MYT1: variants seen among roughly 807,000 people sequenced by gnomAD.
MYT1 encodes the protein myelin transcription factor 1, also known as myelin transcription factor I.
MYT1 carries 23 observed loss-of-function variants against 123.0 expected under a neutral mutation model. The observed-to-expected ratio is 0.19, with a 90% CI of 0.13 to 0.26. The LOEUF (loss-of-function observed/expected upper bound fraction) is 0.26, where lower values mean the gene tolerates loss of function less well. Among genes scored for constraint, MYT1 ranks in the 10% least tolerant of loss-of-function variants. MYT1 has a pLI of 1.00. For synonymous variants in MYT1, 518 were observed against 575.3 expected, an observed-to-expected ratio of 0.90 and a Z score of 1.43; for missense variants, 1,125 against 1,472.5, an observed-to-expected ratio of 0.76 and a Z score of 3.86.
rs1983119324 is a variant in MYT1 at position 64,196,350 on chromosome 20, A to G, written c.1-2512A>G. ...GGGCCGCCCCCAGCACCCGCTCTCC[A>G]TCTACCACATCGTGGTGCCGATCTT... On this transcript the variant is annotated intron_variant, in intron 2 of 22. Transcript: ENST00000328439. The surrounding 1 kb of genome is among the most constrained non-coding windows in gnomAD (Gnocchi z 4.3). Among the ~76,000 whole-genome samples the G allele has an allele frequency of 6.6e-6, 1 of 152,244 alleles. No homozygotes were observed. Among genetic ancestry groups the G allele is most frequent in the South Asian group, 2.1e-4 (1 of 4,836 alleles).
At chr20:64,184,050 C>T (rs1344113371) in intron 1 of MYT1, among the ~76,000 whole-genome samples, 1 of 152,160 alleles carries the variant, frequency 6.6e-6, no homozygotes, top group African/African-American at 2.4e-5. Context: ...GAACCCCTGA[C>T]CTCAAGTGAT....
rs1168774552 is a variant in MYT1, at chr20:64,218,472, T to C, written c.1847-439T>C. Among the ~76,000 whole-genome samples the C allele has an allele frequency of 6.6e-6, 1 of 152,216 alleles. No individual in the cohort carries two copies. The highest frequency in any genetic ancestry group is 2.4e-5 in the African/African-American group (1 of 41,446). On this transcript the variant is annotated intron_variant, in intron 11 of 22. Transcript: ENST00000328439. The surrounding 1 kb of genome is among the most constrained non-coding windows in gnomAD (Gnocchi z 4.0). Reference sequence around the variant, plus strand: ...GATCATGGGACAAAATTTTCCTATTTGGGCGATATGGCAAACACTCATCCT... The same window carrying C: ...GATCATGGGACAAAATTTTCCTATTCGGGCGATATGGCAAACACTCATCCT...
In MYT1 at chr20:64,223,084, GTCTGACAC is replaced by G; in HGVS notation, c.2397-23_2397-16del. The G allele has an allele frequency of 6.2e-7, 1 of 1,614,058 alleles. No individual in the cohort carries two copies. Among genetic ancestry groups the G allele is most frequent in the Non-Finnish European group, 8.5e-7 (1 of 1,179,958 alleles). Reference sequence around the variant, plus strand: ...GGGGGCAGGTACACACCACTCTCCGGTCTGACACTCTTTTTCCTTTGTCCAGCTGTCCC... The same window carrying G: ...GGGGGCAGGTACACACCACTCTCCGGTCTTTTTCCTTTGTCCAGCTGTCCC... On this transcript the variant is annotated intron_variant, in intron 14 of 22. Transcript: ENST00000328439.
intron 16 of MYT1, 78 bp from the exon 17 acceptor site, chr20:64,227,337 C>T: frequency 7.1e-7 from 1 of 1,406,144 alleles, no homozygotes; most frequent in Non-Finnish European, 9.9e-7. Context: ...AGAAGGCTTT[C>T]CTCTGGGGGT....
chr20:64,233,193 CCCT>C (rs1984379418), intron 19 of MYT1, among the ~76,000 whole-genome samples: 1 of 119,260 alleles, frequency 8.4e-6, no homozygotes, highest in Non-Finnish European at 1.8e-5. Flanking sequence ...CCCTTTCCTC[CCCT>C]CTCCCTTCCC....
rs191599 is a variant in MYT1, at chr20:64,218,168, T to A, written c.1847-743T>A. The stretch of plus-strand genomic sequence containing the variant: ...AGGACTTCCTGCCTCCAGGCACACA[T>A]GCCTACTTGGATGAGGGAATGCAAT... On this transcript the variant is annotated intron_variant, in intron 11 of 22. Transcript: ENST00000328439. This position sits in a 1 kb window ranked among gnomAD's most constrained non-coding sequence, Gnocchi z 4.0. 6.6e-6 allele frequency among the ~76,000 whole-genome samples: 1 copy of A among 152,162 alleles called. No homozygotes were observed. Among genetic ancestry groups the A allele is most frequent in the African/African-American group, 2.4e-5 (1 of 41,420 alleles).
At position 64,241,953 on chromosome 20, in the gene MYT1, C is replaced by T. The variant is rs1455526565; in HGVS notation, c.*1505C>T. On this transcript the variant is annotated 3_prime_UTR_variant, in exon 23 of 23. Coordinates refer to ENST00000328439, the MANE Select transcript of MYT1 (RefSeq NM_004535.3). The surrounding 1 kb of genome is among the most constrained non-coding windows in gnomAD (Gnocchi z 4.2). ...TTTTGGGTTCCTTTTGTTTCAGGCACGGATAACAGCAAATGGAATTCTGTA... is the reference window on the plus strand; with the variant it reads ...TTTTGGGTTCCTTTTGTTTCAGGCATGGATAACAGCAAATGGAATTCTGTA... 1.3e-5 allele frequency: 2 copies of T among 152,256 alleles called. No homozygotes were observed. The highest frequency in any genetic ancestry group is 2.1e-4 in the South Asian group (1 of 4,818). 9.4% of individuals were successfully genotyped at this position (152,256 alleles called of 1,614,324 possible). A position where few individuals can be genotyped will look rare whatever the true frequency, so the allele number is the denominator to read the frequency against.
chr20:64,234,403 G>A (rs965442490), intron 19 of MYT1, among the ~76,000 whole-genome samples: 6 of 152,194 alleles, frequency 3.9e-5, no homozygotes, highest in African/African-American at 9.6e-5. Flanking sequence ...CTGGCCCCCC[G>A]AGTATCAGGC....
chr20:64,183,521 A>G (rs1251802620), intron 1 of MYT1, among the ~76,000 whole-genome samples: 1 of 152,192 alleles, frequency 6.6e-6, no homozygotes, highest in Non-Finnish European at 1.5e-5. Flanking sequence ...AACACTTGTT[A>G]CTATCTGTTT....
In MYT1 at chr20:64,205,718, G is replaced by C. The variant is rs143116197; in HGVS notation, c.315G>C (p.Ser105=). The C allele has an allele frequency of 1.2e-5, 19 of 1,614,050 alleles. No homozygotes were observed. The highest frequency in any genetic ancestry group is 1.5e-5 in the Non-Finnish European group (18 of 1,180,016). The change falls in exon 6 of 23, where the codon TCG becomes TCC. Residue 105 remains serine (S), a synonymous_variant. Coordinates refer to ENST00000328439, the MANE Select transcript of MYT1 (RefSeq NM_004535.3). ...EDTEVKDASV[S]DESEGTLEGA... is the part of the protein sequence containing the mutation. The stretch of plus-strand genomic sequence containing the variant: ...CTGAGGTGAAGGACGCCTCTGTTTC[G>C]GATGAATCGGAAGGAACTCTGGAGG...
At chr20:64,170,225 G>A (rs1027205421) in intron 1 of MYT1, among the ~76,000 whole-genome samples, 2 of 152,088 alleles carry the variant, frequency 1.3e-5, no homozygotes, top group Non-Finnish European at 2.9e-5. Flanking sequence ...ATGCCACCCC[G>A]GGCCCTCCTT....
intron 1 of MYT1, among the ~76,000 whole-genome samples, chr20:64,183,745 G>A (rs534949147): frequency 3.0e-4 from 46 of 152,216 alleles, no homozygotes; most frequent in African/African-American, 1.1e-3. Flanking sequence ...CCAAATACAA[G>A]CTCTTTATCA....
At chr20:64,222,964 G>A (rs1168360814) in intron 14 of MYT1, 147 bp from the exon 15 acceptor site, 2 of 770,300 alleles carry the variant, frequency 2.6e-6, no homozygotes, top group Non-Finnish European at 2.2e-6. Context: ...GGCACCGGCT[G>A]TCCTCCAAGG....
chr20:64,176,946 C>T (rs539958803), intron 1 of MYT1, among the ~76,000 whole-genome samples: 13 of 152,250 alleles, frequency 8.5e-5, no homozygotes, highest in East Asian at 1.9e-4. Flanking sequence ...GTTTTTACAG[C>T]GTTGGTAAGG....
chr20:64,197,485 G>A (rs905013969), intron 2 of MYT1, among the ~76,000 whole-genome samples: 5 of 152,164 alleles, frequency 3.3e-5, no homozygotes, highest in Admixed American at 1.3e-4. Context: ...ACTACCTCAC[G>A]CATAGAGCCC....
chr20:64,218,803 C>A lies in MYT1; in HGVS notation c.1847-108C>A. The A allele has an allele frequency of 5.0e-6, 7 of 1,408,054 alleles. No homozygotes were observed. The highest frequency in any genetic ancestry group is 2.9e-6 in the Non-Finnish European group (3 of 1,021,228). The allele number at this position is 1,408,054 out of a possible 1,614,324, so 87.2% of individuals were successfully genotyped here. A position where few individuals can be genotyped will look rare whatever the true frequency, so the allele number is the denominator to read the frequency against. ...TGCTGCCTCTTTTCAAGTTGTATAT[C>A]AGCCTGGTGTTGTTCCCTTTTTGCA... On this transcript the variant is annotated intron_variant, in intron 11 of 22. Coordinates refer to ENST00000328439, the MANE Select transcript of MYT1 (RefSeq NM_004535.3). This position sits in a 1 kb window ranked among gnomAD's most constrained non-coding sequence, Gnocchi z 4.0.
Position 64,190,119 on chromosome 20 carries a change from A to G in MYT1, c.-42A>G, listed in dbSNP as rs1165385210. On this transcript the variant is annotated 5_prime_UTR_variant, in exon 2 of 23. Coordinates refer to ENST00000328439, the MANE Select transcript of MYT1 (RefSeq NM_004535.3). The surrounding 1 kb of genome is among the most constrained non-coding windows in gnomAD (Gnocchi z 4.1). ...GAGGTGGACACACGGAGGCAAGGCC[A>G]GCAGCTGCAGGACCTCAAGACACCT... The G allele has an allele frequency of 1.3e-5, 2 of 152,740 alleles. No individual in the cohort carries two copies. The highest frequency in any genetic ancestry group is 4.8e-5 in the African/African-American group (2 of 41,464). The allele number at this position is 152,740 out of a possible 1,614,324, so 9.5% of individuals were successfully genotyped here.
chr20:64,236,497 G>C lies in MYT1; in HGVS notation c.2898-58G>C. 7.0e-6 allele frequency: 10 copies of C among 1,426,006 alleles called. No individual in the cohort carries two copies. In the South Asian group the frequency reaches 1.2e-4, roughly 17 times the overall value. 88.3% of individuals were successfully genotyped at this position (1,426,006 alleles called of 1,614,324 possible). A position where few individuals can be genotyped will look rare whatever the true frequency, so the allele number is the denominator to read the frequency against. ...TGGGCTGGCCGTGGTATGTGACCCTGGGATGGTCGTGGTGGGTGACCCTGG... is the reference window on the plus strand; with the variant it reads ...TGGGCTGGCCGTGGTATGTGACCCTCGGATGGTCGTGGTGGGTGACCCTGG... On this transcript the variant is annotated intron_variant, in intron 19 of 22. Coordinates refer to ENST00000328439, the MANE Select transcript of MYT1 (RefSeq NM_004535.3).
intron 21 of MYT1, 48 bp from the exon 22 acceptor site, chr20:64,239,712 G>T (rs1022353316): frequency 6.2e-7 from 1 of 1,610,118 alleles, no homozygotes; most frequent in Non-Finnish European, 8.5e-7. Flanking sequence ...ACCCCCAGGA[G>T]GATGGGGGCC....
Sources: gnomAD v4.1 joint callset for allele counts (sites outside exome capture counted in the v4.1 genomes callset) on GRCh38, gnomAD v4.1.1 for gene constraint, Gnocchi (gnomAD v3.1) non-coding constraint, MANE v1.5 for transcripts, NCBI Gene and HGNC (gene_info 2026-07-23, HGNC 2026-07-21) for gene names.